Variants in RBFOX1 observed in about 807,000 individuals in gnomAD.
RBFOX1 encodes the protein RNA binding protein fox-1 homolog 1.
A neutral mutation model predicts 57.7 loss-of-function variants in RBFOX1; 8 were observed. The ratio of observed to expected loss-of-function variants is 0.14; its 90% CI spans 0.08 to 0.25. The LOEUF is 0.25. RBFOX1 is among the 10% of genes least tolerant of loss of function. The pLI, the probability that RBFOX1 is intolerant of heterozygous loss-of-function variation, is 1.00. For missense variants in RBFOX1, 611 were observed against 548.5 expected (o/e 1.11, Z -1.14); for synonymous variants, 326 against 222.4 (o/e 1.47, Z -4.15).
intron 3 of RBFOX1, among the ~76,000 whole-genome samples, chr16:6,740,771 C>A (rs1004760272): frequency 3.0e-4 from 45 of 152,324 alleles, no homozygotes; most frequent in African/African-American, 1.0e-3. Flanking sequence ...AAAGACTCCA[C>A]TTTGTAAAGA....
At position 7,486,765 on chromosome 16, in the gene RBFOX1, C is replaced by T. The variant is rs115542911; in HGVS notation, c.28-31382C>T. ...TAGGGGAATAGACAGAGATCCAGGCCGTTACTAGGAGACAAGCTATGCAAT... is the reference window on the plus strand; with the variant it reads ...TAGGGGAATAGACAGAGATCCAGGCTGTTACTAGGAGACAAGCTATGCAAT... On this transcript the variant is annotated intron_variant, in intron 4 of 15. Transcript: ENST00000550418. Among the ~76,000 whole-genome samples the T allele has an allele frequency of 2.5e-3, 383 of 152,200 alleles. 3 individuals are homozygous for T. The highest frequency in any genetic ancestry group is 8.4e-3 in the African/African-American group (350 of 41,526).
intron 3 of RBFOX1, among the ~76,000 whole-genome samples, chr16:6,659,720 G>A (rs75173254): frequency 0.037 from 5,571 of 152,184 alleles, 255 homozygotes; most frequent in East Asian, 0.099. Flanking sequence ...GCTCTAGCTG[G>A]TTCACAGTGA....
intron 3 of RBFOX1, among the ~76,000 whole-genome samples, chr16:6,827,296 A>T (rs1357574381): frequency 2.6e-5 from 4 of 152,070 alleles, no homozygotes; most frequent in African/African-American, 9.7e-5. Context: ...TGTCCTCCAA[A>T]CCAGGCGTAA....
intron 1 of RBFOX1, among the ~76,000 whole-genome samples, chr16:6,056,644 G>A (rs1306417504): frequency 1.3e-5 from 2 of 152,124 alleles, no homozygotes; most frequent in South Asian, 2.1e-4. Flanking sequence ...TGGCGTGGTC[G>A]CTGACCAAAT....
At chr16:6,469,976 C>A in intron 2 of RBFOX1, among the ~76,000 whole-genome samples, 1 of 152,306 alleles carries the variant, frequency 6.6e-6, no homozygotes, top group East Asian at 1.9e-4. Flanking sequence ...GTTAACTGAG[C>A]TCTCATTCTA....
intron 4 of RBFOX1, among the ~76,000 whole-genome samples, chr16:7,490,397 G>A (rs1409975380): frequency 1.3e-5 from 2 of 152,156 alleles, no homozygotes; most frequent in Non-Finnish European, 2.9e-5. Context: ...GGAGCTTGTA[G>A]CTACTCACTA....
chr16:6,678,368 C>G (rs2058089512), intron 3 of RBFOX1, among the ~76,000 whole-genome samples: 1 of 152,052 alleles, frequency 6.6e-6, no homozygotes, highest in South Asian at 2.1e-4. Context: ...AAGTCATCTA[C>G]CCAACTCAGC....
intron 3 of RBFOX1, among the ~76,000 whole-genome samples, chr16:6,847,284 A>T (rs915371685): frequency 6.6e-6 from 1 of 152,156 alleles, no homozygotes; most frequent in Non-Finnish European, 1.5e-5. Context: ...TGGCTGGCCC[A>T]GACTGTGCTC....
At chr16:5,526,938 T>C (rs1292824862) in intron 2 of RBFOX1, among the ~76,000 whole-genome samples, 1 of 152,310 alleles carries the variant, frequency 6.6e-6, no homozygotes, top group East Asian at 1.9e-4. Flanking sequence ...TTTCCTCTTA[T>C]GCAAAATGGG....
At chr16:5,883,895 C>T (rs1460911756) in intron 4 of RBFOX1, among the ~76,000 whole-genome samples, 1 of 152,128 alleles carries the variant, frequency 6.6e-6, no homozygotes, top group Non-Finnish European at 1.5e-5. Flanking sequence ...TGATATTTCT[C>T]CCTTTAGGGA....
intron 1 of RBFOX1, among the ~76,000 whole-genome samples, chr16:6,135,785 CTTTTTTTTTTTTT>C (rs35563303): frequency 4.7e-5 from 4 of 85,024 alleles, no homozygotes; most frequent in Middle Eastern, 6.8e-3. Context: ...CTCGTTTCGA[CTTTTTTTTTTTTT>C]TTTTTTTTTT....
intron 1 of RBFOX1, among the ~76,000 whole-genome samples, chr16:6,212,202 C>T (rs948337716): frequency 1.3e-5 from 2 of 150,994 alleles, no homozygotes; most frequent in Non-Finnish European, 2.9e-5. Flanking sequence ...ATGGTATTGA[C>T]GTTGAAAAAT....
intron 1 of RBFOX1, among the ~76,000 whole-genome samples, chr16:6,162,940 G>T (rs1329088921): frequency 6.6e-6 from 1 of 152,096 alleles, no homozygotes; most frequent in Non-Finnish European, 1.5e-5. Context: ...TGCCATGTTG[G>T]TCAGGCTGGT....
intron 2 of RBFOX1, among the ~76,000 whole-genome samples, chr16:6,599,438 G>T (rs1269809851): frequency 6.6e-6 from 1 of 152,084 alleles, no homozygotes; most frequent in Admixed American, 6.6e-5. Flanking sequence ...AGAATACTTT[G>T]CTGAAATAAG....
intron 2 of RBFOX1, among the ~76,000 whole-genome samples, chr16:5,587,248 C>G (rs1445175328): frequency 1.3e-5 from 2 of 152,150 alleles, no homozygotes; most frequent in Non-Finnish European, 1.5e-5. Flanking sequence ...ACAGACACAA[C>G]TCAATTAAAA....
intron 1 of RBFOX1, among the ~76,000 whole-genome samples, chr16:5,452,116 CTTTT>C (rs148215801): frequency 4.6e-5 from 5 of 108,102 alleles, no homozygotes; most frequent in Admixed American, 1.0e-4. Flanking sequence ...CTCTCTCTCT[CTTTT>C]TTTTTTTTTT....
Position 7,028,973 on chromosome 16 carries a change from T to G in RBFOX1, c.-15-23084T>G, listed in dbSNP as rs576832109. Among the ~76,000 whole-genome samples, 208 of 147,928 alleles carry G rather than the reference T, an allele frequency of 1.4e-3. 1 individual carries two copies. Among genetic ancestry groups the G allele is most frequent in the African/African-American group, 5.1e-3 (204 of 39,934 alleles). Reference sequence around the variant, plus strand: ...TGACCATAGCAGCAAGCATGCTGTTTGGAAGACCAATCTCCAGATGAACTT... The same window carrying G: ...TGACCATAGCAGCAAGCATGCTGTTGGGAAGACCAATCTCCAGATGAACTT... On this transcript the variant is annotated intron_variant, in intron 3 of 15. Transcript: ENST00000550418.
chr16:7,624,973 C>T (rs1488812018), intron 10 of RBFOX1, among the ~76,000 whole-genome samples: 2 of 152,118 alleles, frequency 1.3e-5, no homozygotes, highest in African/African-American at 4.8e-5. Context: ...ACAGCTTCCC[C>T]ATACAGAGAC....
chr16:6,165,658 T>C (rs1340219693), intron 1 of RBFOX1, among the ~76,000 whole-genome samples: 1 of 152,220 alleles, frequency 6.6e-6, no homozygotes, highest in Non-Finnish European at 1.5e-5. Context: ...TTGAATTTTG[T>C]CTGATAAATG....
Sources: gnomAD v4.1 joint callset for allele counts (sites outside exome capture counted in the v4.1 genomes callset) on GRCh38, gnomAD v4.1.1 for gene constraint, MANE v1.5 for transcripts, NCBI Gene and HGNC (gene_info 2026-07-23, HGNC 2026-07-21) for gene names.